Variants in ANO2 observed in about 807,000 individuals in gnomAD.
The protein encoded by ANO2 is anoctamin 2.
In ANO2, 101 loss-of-function variants were observed where a neutral mutation model predicts 124.2. The ratio of observed to expected loss-of-function variants is 0.81; its 90% confidence interval spans 0.69 to 0.96. The LOEUF is 0.96. Among genes scored for constraint, ANO2 ranks in the 40% least tolerant of loss-of-function variants. The probability of loss-of-function intolerance (pLI) is 0.00; values close to 1 mark genes in which losing one functional copy is unlikely to be tolerated. For missense variants in ANO2, 1,293 were observed against 1,274.5 expected, an observed-to-expected ratio of 1.01 and a Z score of -0.22; for synonymous variants, 486 against 482.5, an observed-to-expected ratio of 1.01 and a Z score of -0.09.
At chr12:5,646,609 CG>C (rs1273943814) in intron 15 of ANO2, among the ~76,000 whole-genome samples, 1 of 152,034 alleles carries the variant, frequency 6.6e-6, no homozygotes, top group Non-Finnish European at 1.5e-5. Flanking sequence ...ATGCATATTG[CG>C]GGGGGCTTTG....
At chr12:5,886,649 CTA>C (rs2137306697) in intron 3 of ANO2, among the ~76,000 whole-genome samples, 1 of 152,230 alleles carries the variant, frequency 6.6e-6, no homozygotes, top group African/African-American at 2.4e-5. Flanking sequence ...TTGGATATGT[CTA>C]TTACCTTGAT....
chr12:5,936,166 AT>A (rs1942646314), intron 1 of ANO2, among the ~76,000 whole-genome samples: 1 of 152,128 alleles, frequency 6.6e-6, no homozygotes, highest in African/African-American at 2.4e-5. Flanking sequence ...ACTCACAAAT[AT>A]TTTCTCCCAT....
intron 7 of ANO2, among the ~76,000 whole-genome samples, chr12:5,826,426 C>G: frequency 7.1e-6 from 1 of 141,754 alleles, no homozygotes; most frequent in Non-Finnish European, 1.5e-5. Flanking sequence ...TGGGCTAATG[C>G]TTAATAAACT....
chr12:5,563,153 T>C lies in ANO2; in HGVS notation c.*146A>G, dbSNP rs997206823. ...TTCCTACACTCATTCTGTCAGGCTC[T>C]TTCTTTTTACACACTGCCCCCTCTT... On this transcript the variant is annotated 3_prime_UTR_variant, in exon 25 of 25. Transcript: ENST00000682330. 10 of 1,112,912 alleles carry C rather than the reference T, an allele frequency of 9.0e-6. No homozygotes were observed. In the African/African-American group the frequency reaches 1.3e-4, roughly 14 times the overall value. The allele number at this position is 1,112,912 out of a possible 1,614,324, so 68.9% of individuals were successfully genotyped here.
At chr12:5,573,386 T>G (rs1443155159) in intron 23 of ANO2, among the ~76,000 whole-genome samples, 1 of 152,148 alleles carries the variant, frequency 6.6e-6, no homozygotes, top group Non-Finnish European at 1.5e-5. Context: ...GATGTGAGCC[T>G]GGCTTTCCCA....
rs1947177050 is a variant in ANO2 at position 5,656,712 on chromosome 12, C to G, written c.1546-8911G>C. The stretch of plus-strand genomic sequence containing the variant: ...AGTGCAAGCTCTTTAATTGTTTGTT[C>G]AACCAGTGTGTCTCCTATCAGGTGC... On this transcript the variant is annotated intron_variant, in intron 14 of 24. Coordinates refer to ENST00000682330, the MANE Select transcript of ANO2 (RefSeq NM_001364791.2). Among the ~76,000 whole-genome samples the G allele has an allele frequency of 2.0e-5, 3 of 152,180 alleles. No individual in the cohort carries two copies. In the South Asian group the frequency reaches 6.2e-4, roughly 32 times the overall value.
intron 16 of ANO2, among the ~76,000 whole-genome samples, chr12:5,621,912 T>A (rs925149196): frequency 3.9e-5 from 6 of 152,122 alleles, no homozygotes; most frequent in African/African-American, 1.4e-4. Context: ...AACTTTTCAA[T>A]AGGATGTTTT....
chr12:5,867,446 C>T (rs1375662379), intron 3 of ANO2, among the ~76,000 whole-genome samples: 8 of 152,202 alleles, frequency 5.3e-5, no homozygotes. Context: ...AGACACCAAA[C>T]ATGCTTCGAT....
intron 14 of ANO2, among the ~76,000 whole-genome samples, chr12:5,691,918 A>T (rs769103220): frequency 6.6e-6 from 1 of 152,018 alleles, no homozygotes; most frequent in Non-Finnish European, 1.5e-5. Context: ...AAAAAAGTGA[A>T]TGTAGTTCAA....
At chr12:5,880,922 A>ATGGATGGATGGATGGATGGATGG (rs1938456986) in intron 3 of ANO2, among the ~76,000 whole-genome samples, 1 of 67,112 alleles carries the variant, frequency 1.5e-5, no homozygotes, top group African/African-American at 5.5e-5. Flanking sequence ...TGGATGGATG[A>ATGGATGGATGGATGGATGGATGG]GTGGATTGAG....
chr12:5,611,372 G>T (rs1944537642), intron 19 of ANO2, among the ~76,000 whole-genome samples: 1 of 150,978 alleles, frequency 6.6e-6, no homozygotes, highest in Non-Finnish European at 1.5e-5. Context: ...GTTATATGCA[G>T]TCTATTTTGT....
intron 14 of ANO2, among the ~76,000 whole-genome samples, chr12:5,673,736 G>T (rs1180297039): frequency 6.6e-6 from 1 of 152,206 alleles, no homozygotes; most frequent in Admixed American, 6.5e-5. Flanking sequence ...TGGTAGCACA[G>T]CCCTTCTCAA....
intron 4 of ANO2, among the ~76,000 whole-genome samples, chr12:5,836,255 C>T (rs1359927163): frequency 1.3e-5 from 2 of 152,180 alleles, no homozygotes; most frequent in Admixed American, 6.5e-5. Context: ...ATGTGAATTT[C>T]AGATAAACAA....
Position 5,744,323 on chromosome 12 carries a change from A to G in ANO2, c.1191-6T>C. The G allele has an allele frequency of 6.2e-7, 1 of 1,613,922 alleles. No homozygotes were observed. The stretch of plus-strand genomic sequence containing the variant: ...GCTGGTCACACATCTCTCTGCTGCA[A>G]TAGATGGAGGTTGTTGGGTCAGGTG... On this transcript the variant is annotated splice_region_variant and splice_polypyrimidine_tract_variant and intron_variant, in intron 11 of 24. Coordinates refer to ENST00000682330, the MANE Select transcript of ANO2 (RefSeq NM_001364791.2).
intron 10 of ANO2, among the ~76,000 whole-genome samples, chr12:5,789,555 G>A (rs951966270): frequency 6.6e-6 from 1 of 152,202 alleles, no homozygotes; most frequent in African/African-American, 2.4e-5. Flanking sequence ...CTTCACGGCT[G>A]AGCCAACCAA....
rs766401385 is a variant in ANO2, at chr12:5,610,819, TACACACAC to T, written c.2087+1829_2087+1836del. On this transcript the variant is annotated intron_variant, in intron 19 of 24. Transcript: ENST00000682330. ...TGGCCCAGCCCATCAGAGTTGTCCA[TACACACAC>T]ACACACACACACACACACACACACA... is the stretch of plus-strand genomic sequence containing the variant. Among the ~76,000 whole-genome samples the T allele has an allele frequency of 8.7e-4, 96 of 110,838 alleles. 1 individual carries two copies. In the Middle Eastern group the frequency reaches 0.025, roughly 29 times the overall value. 72.7% of individuals were successfully genotyped at this position (110,838 alleles called of 152,430 possible). A position where few individuals can be genotyped will look rare whatever the true frequency, so the allele number is the denominator to read the frequency against.
chr12:5,658,991 C>A lies in ANO2; in HGVS notation c.1546-11190G>T, dbSNP rs1457499245. On this transcript the variant is annotated intron_variant, in intron 14 of 24. Transcript: ENST00000682330. The surrounding 1 kb of genome is among the most constrained non-coding windows in gnomAD (Gnocchi z 4.3). ...ATAAGGAAACCCAGTTAATTATGGG[C>A]AATGTTTTCTACAGCACAAACCCAG... Among the ~76,000 whole-genome samples, 1 of 152,144 alleles carries A rather than the reference C, an allele frequency of 6.6e-6. No individual in the cohort carries two copies. Among genetic ancestry groups the A allele is most frequent in the Non-Finnish European group, 1.5e-5 (1 of 68,030 alleles).
chr12:5,824,062 C>G (rs891347468), intron 7 of ANO2, among the ~76,000 whole-genome samples: 3 of 152,168 alleles, frequency 2.0e-5, no homozygotes, highest in Non-Finnish European at 4.4e-5. Context: ...GACCCTGGGC[C>G]CAGCCCATGA....
chr12:5,921,193 G>A lies in ANO2; in HGVS notation c.381C>T (p.Ser127=). 1 of 1,613,824 alleles carries A rather than the reference G, an allele frequency of 6.2e-7. No homozygotes were observed. The highest frequency in any genetic ancestry group is 2.2e-5 in the East Asian group (1 of 44,882). ...GAGGCTCCTTGCCTGTCTCCCCATTGGAGACGATAGCCAGCGAGTGGCCAG... is the reference window on the plus strand; with the variant it reads ...GAGGCTCCTTGCCTGTCTCCCCATTAGAGACGATAGCCAGCGAGTGGCCAG... ...GFPGHSLAIV[S]NGETGKEPHA... The change falls in exon 3 of 25, where the codon TCC becomes TCT. Residue 127 remains serine, a synonymous_variant. Coordinates refer to ENST00000682330, the MANE Select transcript of ANO2 (RefSeq NM_001364791.2).
Sources: gnomAD v4.1 joint callset for allele counts (sites outside exome capture counted in the v4.1 genomes callset) on GRCh38, gnomAD v4.1.1 for gene constraint, Gnocchi (gnomAD v3.1) non-coding constraint, MANE v1.5 for transcripts, NCBI Gene and HGNC (gene_info 2026-07-23, HGNC 2026-07-21) for gene names.